The following LRCH3 variants were observed in gnomAD, a reference collection of about 807,000 sequenced individuals.
LRCH3 encodes the protein DISP complex protein LRCH3.
LRCH3 carries 68 observed loss-of-function variants against 104.5 expected under a neutral mutation model. That is an observed-to-expected ratio of 0.65 (90% CI 0.54 to 0.80). LRCH3 has a LOEUF of 0.80. Among genes scored for constraint, LRCH3 ranks in the 30% least tolerant of loss-of-function variants. The pLI is 0.00. For synonymous variants in LRCH3, 344 were observed against 361.3 expected (o/e 0.95, Z 0.54); for missense variants, 951 against 953.9 (o/e 1.00, Z 0.04).
At chr3:197,852,685 C>A in intron 13 of LRCH3, 65 bp downstream of exon 13, 1 of 1,490,920 alleles carries the variant, frequency 6.7e-7, no homozygotes. Context: ...GAAATGTTTA[C>A]ATGTAATTGT....
At chr3:197,880,039 G>T (rs9754697) in intron 20 of LRCH3, among the ~76,000 whole-genome samples, 2 of 148,524 alleles carry the variant, frequency 1.3e-5, no homozygotes, top group Admixed American at 1.3e-4. Context: ...TCCGCCTCCC[G>T]GGTTCCCGCC....
Position 197,866,165 on chromosome 3 carries a change from C to A in LRCH3, c.1819C>A (p.Gln607Lys). The change falls in exon 17 of 21, where the codon CAG (glutamine) becomes AAG (lysine). Residue 607 changes from glutamine (Q) to lysine (K), a missense_variant. Gln to Lys is a moderately conservative substitution (Grantham distance 53). Transcript: ENST00000425562. ...TGCTGCTATCCAGAGAAATCAGCCT[C>A]AGCGCCCTGAAAGCTTCCTTTTCCG... ...FPAAIQRNQP[Q>K]RPESFLFRAG... The A allele has an allele frequency of 6.2e-7, 1 of 1,614,134 alleles. No individual in the cohort carries two copies. The highest frequency in any genetic ancestry group is 8.5e-7 in the Non-Finnish European group (1 of 1,180,006).
chr3:197,791,308 A>G lies in LRCH3; in HGVS notation c.30A>G (p.Ala10=). Residue 10 remains alanine (A), a synonymous_variant, in exon 1 of 21, where the codon GCA becomes GCG. Coordinates refer to ENST00000425562, the MANE Select transcript of LRCH3 (RefSeq NM_001365715.1). ...CGGCCGCGGGCTTGGTCGCTGTGGC[A>G]GCGGCTGCCGAGTACTCTGGCACGG... The part of the protein sequence containing the change: MAAAGLVAV[A]AAAEYSGTVA... 1 of 1,608,930 alleles carries G rather than the reference A, an allele frequency of 6.2e-7. No individual in the cohort carries two copies. The highest frequency in any genetic ancestry group is 8.5e-7 in the Non-Finnish European group (1 of 1,178,766).
chr3:197,808,507 ACT>A (rs1445509864), intron 1 of LRCH3, among the ~76,000 whole-genome samples: 1 of 151,740 alleles, frequency 6.6e-6, no homozygotes, highest in Admixed American at 6.6e-5. Context: ...GCTGCTACAG[ACT>A]CTCTCAGTTT....
rs530196682 is a variant in LRCH3, at chr3:197,833,653, A to G, written c.1102+1336A>G. Among the ~76,000 whole-genome samples the G allele has an allele frequency of 1.4e-3, 216 of 152,308 alleles. 1 individual carries two copies. The highest frequency in any genetic ancestry group is 3.5e-3 in the Admixed American group (54 of 15,292). On this transcript the variant is annotated intron_variant, in intron 8 of 20. Coordinates refer to ENST00000425562, the MANE Select transcript of LRCH3 (RefSeq NM_001365715.1). ...AGCGTGTAAAATAGTAATATTTTGC[A>G]TTGATTATATGTTGAAGTGATATTT...
At position 197,847,476 on chromosome 3, in the gene LRCH3, T is replaced by G; in HGVS notation, c.1380+16T>G. 1.3e-6 allele frequency: 2 copies of G among 1,577,306 alleles called. No individual in the cohort carries two copies. Among genetic ancestry groups the G allele is most frequent in the Non-Finnish European group, 1.7e-6 (2 of 1,169,068 alleles). On this transcript the variant is annotated intron_variant, in intron 11 of 20. Coordinates refer to ENST00000425562, the MANE Select transcript of LRCH3 (RefSeq NM_001365715.1). ...TCACAATCAGGTAATGTTTAGTAGT[T>G]GTGTTTATTTTTGCTTTTTAAACTA... is the stretch of plus-strand genomic sequence containing the variant.
At chr3:197,831,036 C>A in intron 7 of LRCH3, 173 bp downstream of exon 7, 2 of 534,870 alleles carry the variant, frequency 3.7e-6, no homozygotes, top group Non-Finnish European at 6.7e-6. Context: ...TGCGTCCTTA[C>A]CGGCTTTCTG....
intron 18 of LRCH3, among the ~76,000 whole-genome samples, chr3:197,870,933 A>T (rs970135346): frequency 6.6e-6 from 1 of 152,178 alleles, no homozygotes; most frequent in Non-Finnish European, 1.5e-5. Context: ...ACTCATTTAA[A>T]TTTTTTCCTT....
intron 9 of LRCH3, among the ~76,000 whole-genome samples, chr3:197,837,242 T>G (rs1428300804): frequency 6.6e-6 from 1 of 152,238 alleles, no homozygotes; most frequent in Non-Finnish European, 1.5e-5. Flanking sequence ...GAATTCATTT[T>G]CTTTTTTCCT....
At chr3:197,793,823 T>A (rs908242980) in intron 1 of LRCH3, among the ~76,000 whole-genome samples, 1 of 152,212 alleles carries the variant, frequency 6.6e-6, no homozygotes, top group African/African-American at 2.4e-5. Flanking sequence ...GCTATTAGAC[T>A]AGATTCATTT....
chr3:197,882,089 G>A lies in LRCH3; in HGVS notation c.2209-1452G>A, dbSNP rs146498918. The A allele has an allele frequency of 6.6e-5, 65 of 985,390 alleles. No homozygotes were observed. The African/African-American group carries it at 1.1e-3, about 17-fold the overall frequency. 61.0% of individuals were successfully genotyped at this position (985,390 alleles called of 1,614,324 possible). On this transcript the variant is annotated intron_variant, in intron 20 of 20. Transcript: ENST00000425562. ...AAAAAACACACACAGGCTCTCATGTGGTTTAGGGGTTGTAATTGTACATTC... is the reference window on the plus strand; with the variant it reads ...AAAAAACACACACAGGCTCTCATGTAGTTTAGGGGTTGTAATTGTACATTC...
Position 197,856,460 on chromosome 3 carries a change from C to T in LRCH3, c.1644+2015C>T, listed in dbSNP as rs1039314291. ...TTGAGACAGAGTCTCCCTCTGTTGC[C>T]GAGGCTGGAGTGCAGTGGCATGAAC... On this transcript the variant is annotated intron_variant, in intron 14 of 20. Transcript: ENST00000425562. This position sits in a 1 kb window ranked among gnomAD's most constrained non-coding sequence, Gnocchi z 4.2. Among the ~76,000 whole-genome samples, 10 of 151,242 alleles carry T rather than the reference C, an allele frequency of 6.6e-5. No individual in the cohort carries two copies. The highest frequency in any genetic ancestry group is 2.1e-4 in the South Asian group (1 of 4,786).
chr3:197,794,743 G>A (rs145485901), intron 1 of LRCH3, among the ~76,000 whole-genome samples: 2 of 152,248 alleles, frequency 1.3e-5, no homozygotes, highest in South Asian at 2.1e-4. Flanking sequence ...GGTGGCTCTC[G>A]CCTATAATCC....
rs57062885 is a variant in LRCH3 at position 197,813,510 on chromosome 3, ATTTTTTTTTTTTTTTTTTT to A, written c.263-1378_263-1360del. The stretch of plus-strand genomic sequence containing the variant: ...CCGTTCTTCTAATGGGAGGCATATA[ATTTTTTTTTTTTTTTTTTT>A]TTTTTTTTTTTTTTTTTTTGAGATG... On this transcript the variant is annotated intron_variant, in intron 1 of 20. Coordinates refer to ENST00000425562, the MANE Select transcript of LRCH3 (RefSeq NM_001365715.1). Among the ~76,000 whole-genome samples, 13 of 66,064 alleles carry A rather than the reference ATTTTTTTTTTTTTTTTTTT, an allele frequency of 2.0e-4. 1 individual carries two copies. Among genetic ancestry groups the A allele is most frequent in the East Asian group, 1.8e-3 (3 of 1,692 alleles). The allele number at this position is 66,064 out of a possible 152,430, so 43.3% of individuals were successfully genotyped here.
chr3:197,847,122 A>C (rs902562410), intron 10 of LRCH3, among the ~76,000 whole-genome samples: 2 of 152,234 alleles, frequency 1.3e-5, no homozygotes, highest in African/African-American at 2.4e-5. Context: ...TAAAGAAATG[A>C]TGCTGTTTGC....
In LRCH3 at chr3:197,847,974, A is replaced by G. The variant is rs760649586; in HGVS notation, c.1483A>G (p.Ile495Val). The G allele has an allele frequency of 6.2e-7, 1 of 1,614,170 alleles. No homozygotes were observed. The highest frequency in any genetic ancestry group is 1.1e-5 in the South Asian group (1 of 91,082). The change falls in exon 12 of 21, where the codon ATA becomes GTA. Residue 495 changes from isoleucine (I) to valine (V), a missense_variant. Ile to Val is a conservative substitution (Grantham distance 29). Transcript: ENST00000425562. ...LAALQYEEEK[I>V]RTKQIQRDAV... is the part of the protein sequence containing the mutation. ...TGCCCTGCAGTATGAGGAGGAGAAAATAAGGACCAAGCAGATCCAGAGAGA... is the reference window on the plus strand; with the variant it reads ...TGCCCTGCAGTATGAGGAGGAGAAAGTAAGGACCAAGCAGATCCAGAGAGA...
At chr3:197,870,717 G>A (rs915981802) in intron 18 of LRCH3, among the ~76,000 whole-genome samples, 6 of 151,632 alleles carry the variant, frequency 4.0e-5, no homozygotes, top group Non-Finnish European at 7.4e-5. Flanking sequence ...TTCCGCGCCC[G>A]GCTGTAATTT....
chr3:197,871,257 T>TAAC (rs1712149508), intron 18 of LRCH3, 68 bp from the exon 19 acceptor site: 1 of 1,205,998 alleles, frequency 8.3e-7, no homozygotes. Flanking sequence ...GATTTCATTA[T>TAAC]AACTCCCTTA....
rs143463364 is a variant in LRCH3 at position 197,847,135 on chromosome 3, G to A, written c.1329-274G>A. On this transcript the variant is annotated intron_variant, in intron 10 of 20. Transcript: ENST00000425562. ...TATAAAGAAATGATGCTGTTTGCAAGGTGATCTCAATTAACTGTATTGTTG... is the reference window on the plus strand; with the variant it reads ...TATAAAGAAATGATGCTGTTTGCAAAGTGATCTCAATTAACTGTATTGTTG... 1.1e-3 allele frequency among the ~76,000 whole-genome samples: 173 copies of A among 152,302 alleles called. 1 individual carries two copies. Among genetic ancestry groups the A allele is most frequent in the Non-Finnish European group, 2.0e-3 (135 of 68,010 alleles).
Sources: gnomAD v4.1 joint callset for allele counts (sites outside exome capture counted in the v4.1 genomes callset) on GRCh38, gnomAD v4.1.1 for gene constraint, Gnocchi (gnomAD v3.1) non-coding constraint, MANE v1.5 for transcripts, NCBI Gene and HGNC (gene_info 2026-07-23, HGNC 2026-07-21) for gene names.